Variants in PATJ observed in about 807,000 individuals in gnomAD.
The protein encoded by PATJ is inaD-like protein.
A neutral mutation model predicts 224.9 loss-of-function variants in PATJ; 190 were observed. That is an observed-to-expected ratio of 0.84 (90% CI 0.75 to 0.95). The LOEUF (loss-of-function observed/expected upper bound fraction) is 0.95, where lower values mean the gene tolerates loss of function less well. Among genes scored for constraint, PATJ ranks in the 40% least tolerant of loss-of-function variants. PATJ has a pLI of 0.00. For synonymous variants in PATJ, 769 were observed against 820.3 expected (o/e 0.94, Z 1.07); for missense variants, 2,121 against 2,270.3 (o/e 0.93, Z 1.34).
At chr1:61,799,395 C>G (rs1004222827) in intron 11 of PATJ, among the ~76,000 whole-genome samples, 17 of 152,138 alleles carry the variant, frequency 1.1e-4, no homozygotes, top group African/African-American at 3.9e-4. Context: ...TGGGGTTTCA[C>G]TATGTTGGCC....
chr1:61,858,647 A>T (rs1282228500), intron 18 of PATJ, among the ~76,000 whole-genome samples: 1 of 152,070 alleles, frequency 6.6e-6, no homozygotes, highest in East Asian at 1.9e-4. Flanking sequence ...TGAGGGATCC[A>T]CCCCTGTCAC....
intron 27 of PATJ, among the ~76,000 whole-genome samples, chr1:61,938,054 A>T (rs910431718): frequency 2.0e-5 from 3 of 152,118 alleles, no homozygotes; most frequent in Admixed American, 6.5e-5. Flanking sequence ...CCATCTTGGT[A>T]CTGTTGCTGT....
chr1:62,002,185 G>A (rs1645813854), intron 28 of PATJ, among the ~76,000 whole-genome samples: 1 of 152,084 alleles, frequency 6.6e-6, no homozygotes, highest in South Asian at 2.1e-4. Context: ...GCTTGAGCTT[G>A]GATTCTGGCT....
chr1:61,894,275 A>AAC (rs1670046246), intron 22 of PATJ, among the ~76,000 whole-genome samples: 2 of 150,496 alleles, frequency 1.3e-5, no homozygotes, highest in Admixed American at 1.3e-4. Context: ...AAAAACACAA[A>AAC]AAAAAAACAG....
intron 27 of PATJ, among the ~76,000 whole-genome samples, chr1:61,929,230 C>T (rs2149294704): frequency 6.6e-6 from 1 of 152,300 alleles, no homozygotes; most frequent in African/African-American, 2.4e-5. Context: ...ATTCTGGTTT[C>T]CTAGAAGGCC....
At chr1:61,974,475 G>T (rs1018693335) in intron 27 of PATJ, among the ~76,000 whole-genome samples, 1 of 130,660 alleles carries the variant, frequency 7.7e-6, no homozygotes, top group African/African-American at 3.0e-5. Context: ...GTGCAATGGC[G>T]CAATCTTGGC....
intron 18 of PATJ, among the ~76,000 whole-genome samples, chr1:61,856,991 T>C (rs1663783188): frequency 6.6e-6 from 1 of 152,220 alleles, no homozygotes; most frequent in Admixed American, 6.5e-5. Flanking sequence ...CTATAGCATT[T>C]TAACCATATA....
At chr1:61,790,107 AG>A (rs150980554) in intron 8 of PATJ, among the ~76,000 whole-genome samples, 24,497 of 149,760 alleles carry the variant, frequency 0.16, 2,399 homozygotes, top group East Asian at 0.48. Flanking sequence ...GGGAGGCTGA[AG>A]GGGGAGGATT....
At chr1:62,121,422 G>T (rs890887774) in intron 38 of PATJ, 127 bp downstream of exon 38, 2 of 644,208 alleles carry the variant, frequency 3.1e-6, no homozygotes, top group Non-Finnish European at 5.4e-6. Context: ...GGCCACATAA[G>T]CTGAGCTTTC....
chr1:61,779,739 T>C (rs887499253), intron 7 of PATJ, among the ~76,000 whole-genome samples: 1 of 152,210 alleles, frequency 6.6e-6, no homozygotes, highest in African/African-American at 2.4e-5. Flanking sequence ...CATTTAGTGT[T>C]GCTATAAGGA....
At chr1:61,789,208 A>T (rs186597793) in intron 8 of PATJ, among the ~76,000 whole-genome samples, 7 of 152,228 alleles carry the variant, frequency 4.6e-5, no homozygotes, top group Non-Finnish European at 1.0e-4. Context: ...TGGGAGGCTA[A>T]GGCTGGAGAA....
At chr1:62,066,115 A>T (rs1320338398) in intron 31 of PATJ, among the ~76,000 whole-genome samples, 5 of 152,316 alleles carry the variant, frequency 3.3e-5, no homozygotes, top group East Asian at 3.9e-4. Flanking sequence ...AGTGACAGTG[A>T]AGAATCCTGC....
intron 7 of PATJ, among the ~76,000 whole-genome samples, chr1:61,777,385 C>CA (rs150348087): frequency 0.016 from 2,509 of 152,136 alleles, 33 homozygotes; most frequent in Middle Eastern, 0.034. Context: ...TGCAATATGG[C>CA]AAAACCCTGT....
chr1:62,137,000 T>C (rs1355863724), intron 41 of PATJ, among the ~76,000 whole-genome samples: 1 of 152,158 alleles, frequency 6.6e-6, no homozygotes, highest in African/African-American at 2.4e-5. Flanking sequence ...TTGTAATATC[T>C]TTCTTATCTG....
At chr1:61,950,142 T>G (rs750412903) in intron 27 of PATJ, among the ~76,000 whole-genome samples, 3 of 152,080 alleles carry the variant, frequency 2.0e-5, no homozygotes, top group Admixed American at 1.3e-4. Flanking sequence ...AGGCGGAGGT[T>G]GCGGTGAGCC....
At chr1:61,909,815 G>A (rs1167109593) in intron 25 of PATJ, among the ~76,000 whole-genome samples, 1 of 152,176 alleles carries the variant, frequency 6.6e-6, no homozygotes, top group Non-Finnish European at 1.5e-5. Context: ...GTGGGTATAT[G>A]TTTGGCTATC....
intron 28 of PATJ, among the ~76,000 whole-genome samples, chr1:61,999,773 T>C (rs1645634103): frequency 6.6e-6 from 1 of 152,198 alleles, no homozygotes; most frequent in African/African-American, 2.4e-5. Context: ...GGCAACCTGA[T>C]AGGTGAAAGT....
chr1:62,062,496 T>C (rs1203357843), intron 31 of PATJ, among the ~76,000 whole-genome samples: 259 of 121,148 alleles, frequency 2.1e-3, no homozygotes, highest in African/African-American at 7.8e-3. Context: ...CAACCTTTTT[T>C]TTTTTTTTTT....
In PATJ at chr1:61,875,361, A is replaced by ATTT. The variant is rs1043375905; in HGVS notation, c.2955_2957dup (p.Asp985_Leu986insPhe). On this transcript the variant is annotated inframe_insertion, in exon 21 of 44. Coordinates refer to ENST00000642238, the MANE Select transcript of PATJ (RefSeq NM_001350145.3). ...AATTCATTAGCAAAAACTAGTCTGG[A>ATTT]TTTAGGTTTGTGACTTTTGTTTCTC... 3.7e-6 allele frequency: 6 copies of ATTT among 1,601,618 alleles called. No homozygotes were observed. Among genetic ancestry groups the ATTT allele is most frequent in the Non-Finnish European group, 5.1e-6 (6 of 1,176,330 alleles).
Sources: gnomAD v4.1 joint callset for allele counts (sites outside exome capture counted in the v4.1 genomes callset) on GRCh38, gnomAD v4.1.1 for gene constraint, MANE v1.5 for transcripts, NCBI Gene and HGNC (gene_info 2026-07-23, HGNC 2026-07-21) for gene names.